Variants in TAPBP observed in about 807,000 individuals in gnomAD.
TAPBP encodes the protein tapasin.
Under a neutral mutation model 45.7 loss-of-function variants are expected in TAPBP, and 38 were observed. The ratio of observed to expected loss-of-function variants is 0.83; its 90% CI spans 0.64 to 1.09. TAPBP has a LOEUF of 1.09. TAPBP is among the 50% of genes least tolerant of loss of function. The probability of loss-of-function intolerance (pLI) is 0.00; values close to 1 mark genes in which losing one functional copy is unlikely to be tolerated. For synonymous variants in TAPBP, 226 were observed against 254.8 expected (o/e 0.89, Z 1.08); for missense variants, 513 against 587.3 (o/e 0.87, Z 1.31).
Position 33,309,912 on chromosome 6 carries a change from C to T in TAPBP, c.469+3305G>A, listed in dbSNP as rs890312376. Among the ~76,000 whole-genome samples, 7 of 151,618 alleles carry T rather than the reference C, an allele frequency of 4.6e-5. No individual in the cohort carries two copies. In the South Asian group the frequency reaches 1.0e-3, roughly 23 times the overall value. ...GCTAATTTTGTATTTTTAGTACAGA[C>T]GGGGTTTCTCCATGTTGGTCAGGCT... is the stretch of plus-strand genomic sequence containing the variant. On this transcript the variant is annotated intron_variant, in intron 3 of 7. Coordinates refer to ENST00000434618, the MANE Select transcript of TAPBP (RefSeq NM_003190.5).
chr6:33,301,768 C>G lies in TAPBP; in HGVS notation c.1339G>C (p.Ala447Pro), dbSNP rs1216252947. 6.2e-7 allele frequency: 1 copy of G among 1,613,918 alleles called. No homozygotes were observed. Reference protein sequence around the residue: ...LSTCKDSKKKAE With the variant: ...LSTCKDSKKKPE ...GATGGCAGTGAGTGCCCTCACTCTG[C>G]TTTCTGGAAGAGAGGAAGGTGGTGA... Residue 447 changes from alanine to proline, a missense_variant, in exon 8 of 8, where the codon GCA becomes CCA. Transcript: ENST00000434618.
At chr6:33,310,661 A>G (rs181402282) in intron 3 of TAPBP, among the ~76,000 whole-genome samples, 23 of 152,124 alleles carry the variant, frequency 1.5e-4, no homozygotes, top group Admixed American at 1.5e-3. Context: ...CACAAAAAAA[A>G]TACAAAAATT....
At chr6:33,309,599 C>T (rs9767268) in intron 3 of TAPBP, among the ~76,000 whole-genome samples, 4,750 of 91,548 alleles carry the variant, frequency 0.052, 165 homozygotes, top group Non-Finnish European at 0.068. Context: ...CAGTTTAACT[C>T]TTTTTTTTTT....
At position 33,305,233 on chromosome 6, in the gene TAPBP, GC is replaced by G; in HGVS notation, c.623del (p.Arg208ProfsTer17). The G allele has an allele frequency of 6.2e-7, 1 of 1,613,426 alleles. No homozygotes were observed. On this transcript the variant is annotated frameshift_variant, in exon 4 of 8. Transcript: ENST00000434618. LOFTEE classifies it high-confidence loss of function. The surrounding 1 kb of genome is among the most constrained non-coding windows in gnomAD (Gnocchi z 4.4). ...GCAGATGTCCCTTACCCAGGTGCTG[GC>G]GTCGCCACTCTAGCCCAAAGGGAGG... ...GPPPFGLEWR[R>X]QHLGKGHLLL...
chr6:33,306,088 C>A (rs1289640816), intron 3 of TAPBP, among the ~76,000 whole-genome samples: 1 of 152,182 alleles, frequency 6.6e-6, no homozygotes, highest in East Asian at 1.9e-4. Flanking sequence ...TCATTAATAC[C>A]TCTTGCTACT....
chr6:33,300,931 A>G lies in TAPBP; in HGVS notation c.*829T>C, dbSNP rs1768523494. 6.8e-6 allele frequency: 1 copy of G among 147,844 alleles called. No individual in the cohort carries two copies. The highest frequency in any genetic ancestry group is 2.5e-5 in the African/African-American group (1 of 39,530). 9.2% of individuals were successfully genotyped at this position (147,844 alleles called of 1,614,324 possible). A position where few individuals can be genotyped will look rare whatever the true frequency, so the allele number is the denominator to read the frequency against. On this transcript the variant is annotated 3_prime_UTR_variant, in exon 8 of 8. Transcript: ENST00000434618. ...CAGTGAGCCGAGATCGCGCCACTGC[A>G]CTCCAGCCTGGGCGACAGAGCGAGA...
In TAPBP at chr6:33,304,336, C is replaced by A; in HGVS notation, c.1171G>T (p.Ala391Ser). The change falls in exon 5 of 8, where the codon GCC (alanine) becomes TCC (serine). Residue 391 changes from alanine (A) to serine (S), a missense_variant. Physicochemically the swap from Ala to Ser is moderately conservative, Grantham distance 99. Transcript: ENST00000434618. ...ACRIHHPSLP[A>S]SGRSAEVTLE... is the part of the protein sequence containing the mutation. ...GTGACCTCAGCGCTGCGCCCCGAGG[C>A]AGGCAGGCTGGGATGGTGAATTCGA... 1 of 1,608,242 alleles carries A rather than the reference C, an allele frequency of 6.2e-7. No homozygotes were observed. Among genetic ancestry groups the A allele is most frequent in the Admixed American group, 1.7e-5 (1 of 59,580 alleles).
In TAPBP at chr6:33,314,055, C is replaced by A. The variant is rs1398833841; in HGVS notation, c.-14G>T. On this transcript the variant is annotated 5_prime_UTR_variant, in exon 1 of 8. It introduces an in-frame stop codon into an upstream open reading frame of the 5' UTR. Transcript: ENST00000434618. The stretch of plus-strand genomic sequence containing the variant: ...CAGGGACTTCATGGCGCTGCGACCT[C>A]CTCAGCCATGAAGCCTCCTCTTCCT... 3.7e-6 allele frequency: 6 copies of A among 1,613,886 alleles called. No individual in the cohort carries two copies. The South Asian group carries it at 5.5e-5, about 15-fold the overall frequency.
In TAPBP at chr6:33,313,942, A is replaced by C. The variant is rs555991553; in HGVS notation, c.37+63T>G. 1.4e-5 allele frequency: 23 copies of C among 1,613,100 alleles called. No homozygotes were observed. In the African/African-American group the frequency reaches 2.4e-4, roughly 17 times the overall value. On this transcript the variant is annotated intron_variant, in intron 1 of 7. Coordinates refer to ENST00000434618, the MANE Select transcript of TAPBP (RefSeq NM_003190.5). This position sits in a 1 kb window ranked among gnomAD's most constrained non-coding sequence, Gnocchi z 7.2. Reference sequence around the variant, plus strand: ...CCACTCCCACCCTGGCATCGGCTCCAGTGGGGCCACCTCCCTCCGCTTCCC... The same window carrying C: ...CCACTCCCACCCTGGCATCGGCTCCCGTGGGGCCACCTCCCTCCGCTTCCC...
Position 33,304,129 on chromosome 6 carries a change from A to G in TAPBP, c.1299T>C (p.Ala433=). The G allele has an allele frequency of 1.2e-6, 2 of 1,613,262 alleles. No homozygotes were observed. Among genetic ancestry groups the G allele is most frequent in the Non-Finnish European group, 1.7e-6 (2 of 1,179,734 alleles). Residue 433 remains alanine, a splice_region_variant and synonymous_variant, in exon 6 of 8, where the codon GCT becomes GCC. Coordinates refer to ENST00000434618, the MANE Select transcript of TAPBP (RefSeq NM_003190.5). The part of the protein sequence containing the change: ...LLGLFKALGW[A]AVYLSTCKDS... Reference sequence around the variant, plus strand: ...GGTCAGGGTAGGGCTGACACTTACCAGCCCAGCCCAGTGCCTTGAAGAGCC... The same window carrying G: ...GGTCAGGGTAGGGCTGACACTTACCGGCCCAGCCCAGTGCCTTGAAGAGCC...
chr6:33,304,882 T>C (rs1431046180), intron 4 of TAPBP, 107 bp downstream of exon 4: 9 of 1,504,772 alleles, frequency 6.0e-6, no homozygotes, highest in Non-Finnish European at 8.1e-6. Flanking sequence ...TTTCTATCTC[T>C]ACTTACTTGC....
At chr6:33,311,043 G>A (rs971826484) in intron 3 of TAPBP, among the ~76,000 whole-genome samples, 11 of 152,094 alleles carry the variant, frequency 7.2e-5, no homozygotes, top group Admixed American at 2.0e-4. Context: ...CAGGCCGGGC[G>A]TGGTGGCTCA....
At chr6:33,310,127 G>T (rs1769247652) in intron 3 of TAPBP, among the ~76,000 whole-genome samples, 1 of 151,948 alleles carries the variant, frequency 6.6e-6, no homozygotes, top group Admixed American at 6.6e-5. Flanking sequence ...CAAAGTGCTG[G>T]AAGTACAGGC....
At chr6:33,306,235 C>T (rs1382445699) in intron 3 of TAPBP, among the ~76,000 whole-genome samples, 1 of 152,210 alleles carries the variant, frequency 6.6e-6, no homozygotes, top group Admixed American at 6.5e-5. Context: ...AAGTCAACAG[C>T]ATCTCTGCAA....
intron 3 of TAPBP, among the ~76,000 whole-genome samples, chr6:33,307,433 T>G (rs1454433930): frequency 7.1e-6 from 1 of 140,516 alleles, no homozygotes; most frequent in Non-Finnish European, 1.5e-5. Flanking sequence ...GATAGAGTTT[T>G]GCTCGTCACC....
At chr6:33,307,106 G>A (rs1272946274) in intron 3 of TAPBP, among the ~76,000 whole-genome samples, 1 of 152,002 alleles carries the variant, frequency 6.6e-6, no homozygotes, top group Non-Finnish European at 1.5e-5. Context: ...TGGCCAACAT[G>A]GCAAAACCCT....
chr6:33,306,743 A>C (rs3135409), intron 3 of TAPBP, among the ~76,000 whole-genome samples: 90,136 of 152,044 alleles, frequency 0.59, 27,417 homozygotes, highest in African/African-American at 0.74. Flanking sequence ...CTTTGGGAGG[A>C]CGAGGCGGGT....
Position 33,303,678 on chromosome 6 carries a change from G to A in TAPBP, c.1335+277C>T, listed in dbSNP as rs930355497. 1.1e-4 allele frequency: 158 copies of A among 1,436,308 alleles called. No individual in the cohort carries two copies. In the Middle Eastern group the frequency reaches 1.9e-3, roughly 17 times the overall value. The allele number at this position is 1,436,308 out of a possible 1,614,324, so 89.0% of individuals were successfully genotyped here. A position where few individuals can be genotyped will look rare whatever the true frequency, so the allele number is the denominator to read the frequency against. The stretch of plus-strand genomic sequence containing the variant: ...TTATTTTTTTAATGTGAGTACTAGA[G>A]TATTTAAATTTACATATGTGGCTTG... On this transcript the variant is annotated intron_variant, in intron 7 of 7. Coordinates refer to ENST00000434618, the MANE Select transcript of TAPBP (RefSeq NM_003190.5).
chr6:33,309,853 T>C (rs1399327269), intron 3 of TAPBP, among the ~76,000 whole-genome samples: 2 of 149,934 alleles, frequency 1.3e-5, no homozygotes, highest in African/African-American at 4.9e-5. Context: ...GCCTTCCGAG[T>C]AGCTGGGATT....
Sources: allele counts gnomAD v4.1 joint callset (sites outside exome capture counted in the v4.1 genomes callset), GRCh38; gene constraint gnomAD v4.1.1; non-coding constraint Gnocchi (gnomAD v3.1); transcripts MANE v1.5; gene names NCBI Gene and HGNC (gene_info 2026-07-23, HGNC 2026-07-21).